Variants in MYT1L observed in about 807,000 individuals in gnomAD.
MYT1L encodes the protein myelin transcription factor 1-like protein.
MYT1L carries 12 observed loss-of-function variants against 126.7 expected under a neutral mutation model. The ratio of observed to expected loss-of-function variants is 0.09; its 90% confidence interval spans 0.06 to 0.15. The LOEUF (loss-of-function observed/expected upper bound fraction) is 0.15. Ranked by LOEUF, MYT1L falls within the 10% of genes least tolerant of loss-of-function variation. The probability of loss-of-function intolerance (pLI) is 1.00; values close to 1 mark genes in which losing one functional copy is unlikely to be tolerated. For missense variants in MYT1L, 979 were observed against 1,585.2 expected (o/e 0.62, Z 6.49); for synonymous variants, 541 against 604.2 (o/e 0.90, Z 1.53).
chr2:1,990,769 G>A (rs2061394653), intron 5 of MYT1L, among the ~76,000 whole-genome samples: 1 of 152,182 alleles, frequency 6.6e-6, no homozygotes, highest in Admixed American at 6.5e-5. Flanking sequence ...TGCCTTCTAA[G>A]GTGCTCTGGA....
At chr2:1,893,234 G>A (rs1036945207) in intron 14 of MYT1L, among the ~76,000 whole-genome samples, 1 of 152,190 alleles carries the variant, frequency 6.6e-6, no homozygotes, top group African/African-American at 2.4e-5. Context: ...GGATTTATCC[G>A]ATGGGTCCTT....
chr2:1,968,023 A>G (rs1207014651), intron 8 of MYT1L, among the ~76,000 whole-genome samples: 5 of 152,278 alleles, frequency 3.3e-5, no homozygotes, highest in African/African-American at 1.2e-4. Context: ...GGAGAGGCCC[A>G]AGATCTGCAT....
intron 3 of MYT1L, among the ~76,000 whole-genome samples, chr2:2,165,326 A>G (rs2088871366): frequency 6.6e-6 from 1 of 151,770 alleles, no homozygotes; most frequent in Non-Finnish European, 1.5e-5. Context: ...ATACACACAT[A>G]CACATGCACA....
intron 14 of MYT1L, among the ~76,000 whole-genome samples, chr2:1,894,674 T>C (rs972112147): frequency 6.6e-6 from 1 of 151,340 alleles, no homozygotes; most frequent in Non-Finnish European, 1.5e-5. Context: ...TAAAAAAAAT[T>C]AAAGGAATAA....
At position 1,889,277 on chromosome 2, in the gene MYT1L, G is replaced by C; in HGVS notation, c.2484C>G (p.Pro828=). 1.2e-6 allele frequency: 2 copies of C among 1,613,874 alleles called. No individual in the cohort carries two copies. Among genetic ancestry groups the C allele is most frequent in the Non-Finnish European group, 1.7e-6 (2 of 1,179,888 alleles). ...TGGACTCGTCCTCGTCTATCCTCCG[G>C]GGTTTCATTTTGGTGTAGTCTACGG... ...DLPVDYTKMK[P]RRIDEDESKD... is the part of the protein sequence containing the mutation. Residue 828 remains proline (P), a synonymous_variant, in exon 16 of 25, where the codon CCC becomes CCG. Coordinates refer to ENST00000647738, the MANE Select transcript of MYT1L (RefSeq NM_001303052.2). This position sits in a 1 kb window ranked among gnomAD's most constrained non-coding sequence, Gnocchi z 4.1.
chr2:2,140,559 C>A (rs2083816353), intron 3 of MYT1L, among the ~76,000 whole-genome samples: 1 of 151,652 alleles, frequency 6.6e-6, no homozygotes, highest in Non-Finnish European at 1.5e-5. Context: ...CTTGGCCTCC[C>A]AAGTAGCTGG....
chr2:1,809,434 TG>T (rs1451486215), intron 21 of MYT1L, among the ~76,000 whole-genome samples: 1 of 152,122 alleles, frequency 6.6e-6, no homozygotes, highest in Non-Finnish European at 1.5e-5. Flanking sequence ...TCTTGGGAGC[TG>T]GGGCTCTGAG....
chr2:2,274,785 G>A (rs1179202557), intron 2 of MYT1L, among the ~76,000 whole-genome samples: 1 of 152,160 alleles, frequency 6.6e-6, no homozygotes, highest in African/African-American at 2.4e-5. Flanking sequence ...CACGTTTAAA[G>A]CATGCCACGG....
chr2:1,818,402 CTCTAATAACATTTTA>C (rs1395952543), intron 21 of MYT1L, among the ~76,000 whole-genome samples: 3 of 152,206 alleles, frequency 2.0e-5, no homozygotes, highest in African/African-American at 7.2e-5. Context: ...GTGAGTTTCA[CTCTAATAACATTTTA>C]TTTATTTTAC....
At chr2:1,843,231 C>T (rs2042053822) in intron 19 of MYT1L, among the ~76,000 whole-genome samples, 1 of 152,242 alleles carries the variant, frequency 6.6e-6, no homozygotes. Flanking sequence ...GCGGCCGCTG[C>T]AGGCTCACAC....
intron 14 of MYT1L, among the ~76,000 whole-genome samples, chr2:1,895,371 A>G (rs1371504175): frequency 2.0e-5 from 3 of 152,252 alleles, no homozygotes; most frequent in Non-Finnish European, 2.9e-5. Flanking sequence ...TAAAATTTCT[A>G]TGAAATCAAA....
At chr2:2,068,766 C>CTTCTT (rs1370285207) in intron 3 of MYT1L, among the ~76,000 whole-genome samples, 3 of 5,880 alleles carry the variant, frequency 5.1e-4, no homozygotes, top group Non-Finnish European at 1.1e-3. Context: ...CTGTGTTCTT[C>CTTCTT]TTGTTTTTTT....
chr2:2,164,745 C>T (rs192949631), intron 3 of MYT1L, among the ~76,000 whole-genome samples: 6 of 152,292 alleles, frequency 3.9e-5, no homozygotes, highest in East Asian at 3.9e-4. Context: ...TGTCAACAGA[C>T]GATAGACATG....
intron 21 of MYT1L, among the ~76,000 whole-genome samples, chr2:1,831,188 T>C (rs185729843): frequency 2.7e-5 from 4 of 150,504 alleles, no homozygotes; most frequent in East Asian, 4.2e-4. Context: ...ATGGAGCAGA[T>C]GGAGCTCTGC....
intron 5 of MYT1L, among the ~76,000 whole-genome samples, chr2:1,992,119 C>A (rs1052679364): frequency 6.6e-6 from 1 of 152,134 alleles, no homozygotes; most frequent in African/African-American, 2.4e-5. Flanking sequence ...CCTTCCTCAC[C>A]GTTTTGCAAA....
At chr2:1,799,396 C>A (rs2147885998) in intron 23 of MYT1L, among the ~76,000 whole-genome samples, 1 of 152,310 alleles carries the variant, frequency 6.6e-6, no homozygotes, top group East Asian at 1.9e-4. Flanking sequence ...ATCCAGGCGG[C>A]ATGACCTCTA....
At chr2:1,964,307 A>G (rs13385136) in intron 8 of MYT1L, among the ~76,000 whole-genome samples, 41,189 of 152,084 alleles carry the variant, frequency 0.27, 6,343 homozygotes, top group African/African-American at 0.43. Context: ...CTGACCACAG[A>G]CGCCATAACA....
chr2:2,191,414 G>A (rs2148742534), intron 2 of MYT1L, among the ~76,000 whole-genome samples: 1 of 152,320 alleles, frequency 6.6e-6, no homozygotes, highest in South Asian at 2.1e-4. Flanking sequence ...AAGAACATGT[G>A]AGAGCACTCT....
At chr2:1,874,169 G>T (rs184389413) in intron 18 of MYT1L, among the ~76,000 whole-genome samples, 7 of 147,940 alleles carry the variant, frequency 4.7e-5, no homozygotes, top group Middle Eastern at 3.4e-3. Flanking sequence ...AACAACCCAG[G>T]TGTGGAAAAC....
Sources: gnomAD v4.1 joint callset for allele counts (sites outside exome capture counted in the v4.1 genomes callset) on GRCh38, gnomAD v4.1.1 for gene constraint, Gnocchi (gnomAD v3.1) non-coding constraint, MANE v1.5 for transcripts, NCBI Gene and HGNC (gene_info 2026-07-23, HGNC 2026-07-21) for gene names.